The following UBE2R2 variants were observed in gnomAD, a reference collection of about 807,000 sequenced individuals.
The protein encoded by UBE2R2 is ubiquitin-conjugating enzyme E2 R2.
UBE2R2 carries 1 observed loss-of-function variant against 27.8 expected under a neutral mutation model. That is an observed-to-expected ratio of 0.04 (90% CI 0.01 to 0.17). The LOEUF (loss-of-function observed/expected upper bound fraction) is 0.17. UBE2R2 is among the 10% of genes least tolerant of loss of function. The probability of loss-of-function intolerance (pLI) is 1.00; values close to 1 mark genes in which losing one functional copy is unlikely to be tolerated. For synonymous variants in UBE2R2, 106 were observed against 113.3 expected (o/e 0.94, Z 0.41); for missense variants, 100 against 291.0 (o/e 0.34, Z 4.78).
intron 1 of UBE2R2, among the ~76,000 whole-genome samples, chr9:33,880,638 GT>G (rs976715539): frequency 3.3e-5 from 5 of 152,190 alleles, no homozygotes; most frequent in African/African-American, 9.6e-5. Flanking sequence ...TCCTTACTGA[GT>G]TTTTGTCTCC....
At position 33,879,750 on chromosome 9, in the gene UBE2R2, CTTTTTTTTTTTT is replaced by C. The variant is rs66929161; in HGVS notation, c.178-7119_178-7108del. On this transcript the variant is annotated intron_variant, in intron 1 of 4. Transcript: ENST00000263228. Reference sequence around the variant, plus strand: ...CAAGCCACGGCGCCTGGTCACAAGACTTTTTTTTTTTTTTTTTTTTTTTGAGACGATGTTTTG... The same window carrying C: ...CAAGCCACGGCGCCTGGTCACAAGACTTTTTTTTTTTGAGACGATGTTTTG... 1.0e-4 allele frequency among the ~76,000 whole-genome samples: 7 copies of C among 67,382 alleles called. No homozygotes were observed. In the East Asian group the frequency reaches 1.5e-3, roughly 15 times the overall value. 44.2% of individuals were successfully genotyped at this position (67,382 alleles called of 152,430 possible). A position where few individuals can be genotyped will look rare whatever the true frequency, so the allele number is the denominator to read the frequency against.
At chr9:33,873,196 AAG>A (rs1821526098) in intron 1 of UBE2R2, among the ~76,000 whole-genome samples, 1 of 140,580 alleles carries the variant, frequency 7.1e-6, no homozygotes. Context: ...AAAAAAAAAA[AAG>A]ATCTAATATC....
At chr9:33,886,811 A>C in intron 1 of UBE2R2, 70 bp from the exon 2 acceptor site, 1 of 1,283,910 alleles carries the variant, frequency 7.8e-7, no homozygotes, top group South Asian at 1.4e-5. Flanking sequence ...GGCGTGTAGT[A>C]GGGTGAATTA....
At chr9:33,893,316 T>C (rs902028470) in intron 2 of UBE2R2, among the ~76,000 whole-genome samples, 3 of 152,236 alleles carry the variant, frequency 2.0e-5, no homozygotes, top group Non-Finnish European at 4.4e-5. Context: ...CGTCATATAG[T>C]ATGTGACATT....
chr9:33,913,106 G>A (rs550585593), intron 4 of UBE2R2, among the ~76,000 whole-genome samples: 2 of 151,692 alleles, frequency 1.3e-5, no homozygotes, highest in Non-Finnish European at 2.9e-5. Flanking sequence ...GATTATAGGC[G>A]CCTACCACCA....
At chr9:33,852,348 G>T (rs1820986656) in intron 1 of UBE2R2, among the ~76,000 whole-genome samples, 1 of 152,104 alleles carries the variant, frequency 6.6e-6, no homozygotes, top group South Asian at 2.1e-4. Flanking sequence ...ATTTCTAGCT[G>T]GCCCGGAGTT....
At position 33,817,941 on chromosome 9, in the gene UBE2R2, T is replaced by C. The variant is rs767326705; in HGVS notation, c.177+7T>C. ...CGAAGGCGGCTACTTCAAGGTACCCTCACCCTCCTCCCGGACCCTGCTTCC... is the reference window on the plus strand; with the variant it reads ...CGAAGGCGGCTACTTCAAGGTACCCCCACCCTCCTCCCGGACCCTGCTTCC... On this transcript the variant is annotated splice_region_variant and intron_variant, in intron 1 of 4. Coordinates refer to ENST00000263228, the MANE Select transcript of UBE2R2 (RefSeq NM_017811.4). The C allele has an allele frequency of 1.2e-6, 2 of 1,602,672 alleles. No homozygotes were observed. Among genetic ancestry groups the C allele is most frequent in the Non-Finnish European group, 1.7e-6 (2 of 1,174,294 alleles).
intron 4 of UBE2R2, 45 bp from the exon 5 acceptor site, chr9:33,916,973 A>G: frequency 6.2e-7 from 1 of 1,603,692 alleles, no homozygotes; most frequent in East Asian, 2.2e-5. Flanking sequence ...ATCTGTCTTA[A>G]AAAAAGACTT....
chr9:33,856,131 G>C (rs1821095809), intron 1 of UBE2R2, among the ~76,000 whole-genome samples: 1 of 152,158 alleles, frequency 6.6e-6, no homozygotes, highest in South Asian at 2.1e-4. Context: ...GCAAGCAAGG[G>C]ACAGGGAATG....
At chr9:33,860,965 G>C (rs1167583288) in intron 1 of UBE2R2, among the ~76,000 whole-genome samples, 1 of 59,694 alleles carries the variant, frequency 1.7e-5, no homozygotes, top group South Asian at 5.7e-4. Context: ...TTTGTTTTTT[G>C]TTTTTTTTTT....
chr9:33,833,706 A>G (rs1820548937), intron 1 of UBE2R2, among the ~76,000 whole-genome samples: 1 of 152,194 alleles, frequency 6.6e-6, no homozygotes, highest in African/African-American at 2.4e-5. Context: ...AAGTATATTC[A>G]CTGTGAAGTG....
At chr9:33,840,268 C>T (rs1820702884) in intron 1 of UBE2R2, among the ~76,000 whole-genome samples, 2 of 152,064 alleles carry the variant, frequency 1.3e-5, no homozygotes, top group African/African-American at 4.8e-5. Context: ...AGTTGTAACT[C>T]ACCTCCCAAA....
chr9:33,873,116 A>G (rs971508476), intron 1 of UBE2R2, among the ~76,000 whole-genome samples: 2 of 149,420 alleles, frequency 1.3e-5, no homozygotes, highest in African/African-American at 4.9e-5. Flanking sequence ...TGGAGGTTGC[A>G]GTCAGCAGAG....
chr9:33,857,700 C>T (rs938040031), intron 1 of UBE2R2, among the ~76,000 whole-genome samples: 7 of 152,098 alleles, frequency 4.6e-5, no homozygotes, highest in Non-Finnish European at 7.4e-5. Flanking sequence ...AGGTTAATAA[C>T]GTTACTGTAG....
rs1822686737 is a variant in UBE2R2 at position 33,917,721 on chromosome 9, A to G, written c.*484A>G. ...AAACTTTAAAAAAAAAAAAAAACAAATTTGCCAAGGTTTAGCTGCTCATTT... is the reference window on the plus strand; with the variant it reads ...AAACTTTAAAAAAAAAAAAAAACAAGTTTGCCAAGGTTTAGCTGCTCATTT... On this transcript the variant is annotated 3_prime_UTR_variant, in exon 5 of 5. Transcript: ENST00000263228. 5.6e-6 allele frequency: 1 copy of G among 179,766 alleles called. No homozygotes were observed. The highest frequency in any genetic ancestry group is 2.4e-5 in the African/African-American group (1 of 42,386). The allele number at this position is 179,766 out of a possible 1,614,324, so 11.1% of individuals were successfully genotyped here.
At chr9:33,862,144 T>G (rs1821253996) in intron 1 of UBE2R2, among the ~76,000 whole-genome samples, 1 of 152,114 alleles carries the variant, frequency 6.6e-6, no homozygotes, top group Non-Finnish European at 1.5e-5. Context: ...TGAGCCACCG[T>G]GCCCGGCCTG....
chr9:33,891,601 T>C (rs1258534585), intron 2 of UBE2R2, among the ~76,000 whole-genome samples: 1 of 151,270 alleles, frequency 6.6e-6, no homozygotes, highest in Non-Finnish European at 1.5e-5. Context: ...GAGCCAAGAT[T>C]GCACCACTGC....
intron 1 of UBE2R2, among the ~76,000 whole-genome samples, chr9:33,863,202 A>AAAG (rs1384649418): frequency 6.6e-6 from 1 of 151,252 alleles, no homozygotes; most frequent in East Asian, 1.9e-4. Flanking sequence ...AAAAAAAAAA[A>AAAG]AAGAAGAAGA....
At chr9:33,862,802 C>T (rs1358920003) in intron 1 of UBE2R2, among the ~76,000 whole-genome samples, 1 of 152,078 alleles carries the variant, frequency 6.6e-6, no homozygotes, top group Non-Finnish European at 1.5e-5. Flanking sequence ...GTGGTTTTGC[C>T]TTTAACATAT....
Sources: gnomAD v4.1 joint callset for allele counts (sites outside exome capture counted in the v4.1 genomes callset) on GRCh38, gnomAD v4.1.1 for gene constraint, MANE v1.5 for transcripts, NCBI Gene and HGNC (gene_info 2026-07-23, HGNC 2026-07-21) for gene names.